PTPRG: variants seen among roughly 807,000 people sequenced by gnomAD.
The protein encoded by PTPRG is protein tyrosine phosphatase receptor type G, also known as receptor-type tyrosine-protein phosphatase gamma.
Under a neutral mutation model 165.3 loss-of-function variants are expected in PTPRG, and 102 were observed. That is an observed-to-expected ratio of 0.62 (90% CI 0.53 to 0.73). The LOEUF (loss-of-function observed/expected upper bound fraction) is 0.73, where lower values mean the gene tolerates loss of function less well. PTPRG is among the 30% of genes least tolerant of loss of function. PTPRG has a pLI of 0.00. For missense variants in PTPRG, 1,866 were observed against 1,861.4 expected, an observed-to-expected ratio of 1.00 and a Z score of -0.05; for synonymous variants, 675 against 669.5, an observed-to-expected ratio of 1.01 and a Z score of -0.13.
intron 2 of PTPRG, among the ~76,000 whole-genome samples, chr3:61,823,041 G>GT (rs1233269023): frequency 6.6e-6 from 1 of 151,936 alleles, no homozygotes; most frequent in Non-Finnish European, 1.5e-5. Flanking sequence ...GCCTTTCCTG[G>GT]TTAGGAGTTC....
intron 2 of PTPRG, among the ~76,000 whole-genome samples, chr3:61,867,101 G>A (rs946398465): frequency 6.6e-6 from 1 of 152,100 alleles, no homozygotes; most frequent in Admixed American, 6.5e-5. Flanking sequence ...TGGCCTCCTG[G>A]CCCCAGAAGT....
At chr3:61,854,746 TC>T (rs1242039519) in intron 2 of PTPRG, among the ~76,000 whole-genome samples, 1 of 152,174 alleles carries the variant, frequency 6.6e-6, no homozygotes, top group Non-Finnish European at 1.5e-5. Context: ...AAACTAGGTA[TC>T]AGGTAAGATT....
intron 5 of PTPRG, among the ~76,000 whole-genome samples, chr3:62,107,750 A>G (rs1229765817): frequency 6.6e-6 from 1 of 152,206 alleles, no homozygotes; most frequent in Non-Finnish European, 1.5e-5. Flanking sequence ...ATATTTGTTG[A>G]TTCATCCATT....
chr3:62,055,077 G>C (rs768958994), intron 4 of PTPRG, among the ~76,000 whole-genome samples: 8 of 152,116 alleles, frequency 5.3e-5, no homozygotes, highest in Non-Finnish European at 1.0e-4. Flanking sequence ...CCTGCTTCTG[G>C]TTGTTCTGAA....
rs1360928001 is a variant in PTPRG at position 61,610,782 on chromosome 3, CCTCTCTCT to C, written c.85+48414_85+48421del. 5.2e-4 allele frequency among the ~76,000 whole-genome samples: 74 copies of C among 141,658 alleles called. 1 individual carries two copies. The South Asian group carries it at 0.012, about 22-fold the overall frequency. 92.9% of individuals were successfully genotyped at this position (141,658 alleles called of 152,430 possible). A position where few individuals can be genotyped will look rare whatever the true frequency, so the allele number is the denominator to read the frequency against. ...CCCTCCCTCCCTCCCTACCTCCCTC[CCTCTCTCT>C]CTCCATCTCTCTTTCTCTATCTCTC... On this transcript the variant is annotated intron_variant, in intron 1 of 29. Transcript: ENST00000474889.
intron 14 of PTPRG, among the ~76,000 whole-genome samples, chr3:62,234,943 C>G (rs570176235): frequency 9.9e-5 from 15 of 150,990 alleles, no homozygotes; most frequent in South Asian, 6.4e-4. Context: ...ACTTCCCCCC[C>G]CCGAGATGGT....
chr3:62,164,193 C>G (rs552644144), intron 7 of PTPRG, among the ~76,000 whole-genome samples: 1 of 152,262 alleles, frequency 6.6e-6, no homozygotes, highest in African/African-American at 2.4e-5. Flanking sequence ...CTCTAGGGGA[C>G]ACTTTCTCAT....
chr3:61,675,538 A>T (rs1407038655), intron 1 of PTPRG, among the ~76,000 whole-genome samples: 2 of 152,190 alleles, frequency 1.3e-5, no homozygotes, highest in Non-Finnish European at 2.9e-5. Flanking sequence ...TTTCTAGGTA[A>T]ACAGTCTTTT....
At chr3:61,645,093 TA>T in intron 1 of PTPRG, among the ~76,000 whole-genome samples, 1 of 152,218 alleles carries the variant, frequency 6.6e-6, no homozygotes, top group Middle Eastern at 3.4e-3. Flanking sequence ...AACCCAGGGT[TA>T]AAAATATAAT....
chr3:61,972,711 C>T (rs1173317902), intron 2 of PTPRG, among the ~76,000 whole-genome samples: 11 of 146,632 alleles, frequency 7.5e-5, no homozygotes, highest in African/African-American at 2.5e-4. Context: ...GGGGTACAGT[C>T]GCAGAATCAT....
intron 2 of PTPRG, among the ~76,000 whole-genome samples, chr3:61,968,164 A>G (rs940948403): frequency 3.3e-5 from 5 of 152,232 alleles, no homozygotes; most frequent in African/African-American, 4.8e-5. Flanking sequence ...AATTTGGCTA[A>G]TACAATGGTC....
At chr3:62,207,534 G>T (rs755530727) in intron 12 of PTPRG, among the ~76,000 whole-genome samples, 2 of 152,134 alleles carry the variant, frequency 1.3e-5, no homozygotes, top group Non-Finnish European at 2.9e-5. Flanking sequence ...TAAGGACTTT[G>T]TGTGTACATT....
At chr3:62,051,362 C>G (rs1328665866) in intron 4 of PTPRG, among the ~76,000 whole-genome samples, 1 of 152,200 alleles carries the variant, frequency 6.6e-6, no homozygotes, top group Non-Finnish European at 1.5e-5. Context: ...CAGAAATCTG[C>G]TCTTTCAGCA....
At chr3:62,227,527 G>A (rs917664505) in intron 13 of PTPRG, among the ~76,000 whole-genome samples, 5 of 152,228 alleles carry the variant, frequency 3.3e-5, no homozygotes, top group Non-Finnish European at 7.3e-5. Flanking sequence ...TCCCAAGAGA[G>A]GAAACGGTTT....
chr3:61,771,341 CAG>C (rs1029764499), intron 2 of PTPRG: 40 of 150,778 alleles, frequency 2.7e-4, no homozygotes, highest in African/African-American at 7.8e-4. Context: ...TTGCAGAAAA[CAG>C]GGGGTTGAGA....
intron 3 of PTPRG, among the ~76,000 whole-genome samples, chr3:61,996,592 C>T (rs1343793796): frequency 6.6e-6 from 1 of 152,172 alleles, no homozygotes; most frequent in African/African-American, 2.4e-5. Context: ...CTAATATAAA[C>T]AGTGTCTTTG....
intron 2 of PTPRG, among the ~76,000 whole-genome samples, chr3:61,753,313 T>G (rs2033515245): frequency 6.6e-6 from 1 of 152,216 alleles, no homozygotes; most frequent in African/African-American, 2.4e-5. Context: ...GGGAATGAGT[T>G]AAGTTTCATA....
intron 16 of PTPRG, among the ~76,000 whole-genome samples, chr3:62,260,015 A>C (rs916356130): frequency 1.3e-5 from 2 of 152,170 alleles, no homozygotes; most frequent in African/African-American, 4.8e-5. Flanking sequence ...CGTTTGAGGA[A>C]AATCAGTCTG....
chr3:61,726,919 C>T (rs2032284777), intron 1 of PTPRG, among the ~76,000 whole-genome samples: 1 of 151,946 alleles, frequency 6.6e-6, no homozygotes, highest in Admixed American at 6.6e-5. Context: ...TGGTGGCGGG[C>T]GTCTGTAGGC....
Sources: allele counts gnomAD v4.1 joint callset (sites outside exome capture counted in the v4.1 genomes callset), GRCh38; gene constraint gnomAD v4.1.1; transcripts MANE v1.5; gene names NCBI Gene and HGNC (gene_info 2026-07-23, HGNC 2026-07-21).